PKD1L1: variants seen among roughly 807,000 people sequenced by gnomAD.
PKD1L1 encodes polycystin-1-like protein 1.
PKD1L1 carries 236 observed loss-of-function variants against 323.4 expected under a neutral mutation model. The ratio of observed to expected loss-of-function variants is 0.73; its 90% confidence interval spans 0.66 to 0.81. The LOEUF (loss-of-function observed/expected upper bound fraction) is 0.81. Ranked by LOEUF, PKD1L1 falls within the 40% of genes least tolerant of loss-of-function variation. The pLI, the probability that PKD1L1 is intolerant of heterozygous loss-of-function variation, is 0.00. For synonymous variants in PKD1L1, 1,344 were observed against 1,335.0 expected (o/e 1.01, Z -0.15); for missense variants, 3,320 against 3,508.0 (o/e 0.95, Z 1.35).
Position 47,813,102 on chromosome 7 carries a change from C to T in PKD1L1, c.7346+19G>A. 3 of 1,605,362 alleles carry T rather than the reference C, an allele frequency of 1.9e-6. No individual in the cohort carries two copies. The highest frequency in any genetic ancestry group is 2.6e-6 in the Non-Finnish European group (3 of 1,175,628). ...CGGTGGCAGGCAGGATGAGCCCCGG[C>T]CCTTCGAATCTCACTGACCTTGTTC... On this transcript the variant is annotated intron_variant, in intron 49 of 56. Transcript: ENST00000289672.
chr7:47,882,710 G>A (rs1000318780), intron 19 of PKD1L1, among the ~76,000 whole-genome samples: 1 of 152,120 alleles, frequency 6.6e-6, no homozygotes, highest in African/African-American at 2.4e-5. Flanking sequence ...AGGGCAGGAG[G>A]AGGAAAAATG....
At chr7:47,907,100 G>A (rs914501374) in intron 9 of PKD1L1, among the ~76,000 whole-genome samples, 6 of 152,234 alleles carry the variant, frequency 3.9e-5, no homozygotes, top group Admixed American at 2.0e-4. Flanking sequence ...ATGACCAACC[G>A]GCTAGTTAGG....
chr7:47,914,749 TC>T lies in PKD1L1; in HGVS notation c.1228+682del, dbSNP rs1019871242. 3.3e-5 allele frequency among the ~76,000 whole-genome samples: 5 copies of T among 151,180 alleles called. No homozygotes were observed. The East Asian group carries it at 5.9e-4, about 18-fold the overall frequency. On this transcript the variant is annotated intron_variant, in intron 8 of 56. Coordinates refer to ENST00000289672, the MANE Select transcript of PKD1L1 (RefSeq NM_138295.5). ...TCCCTCTCTTTCTCTCTCTCTTTTC[TC>T]CCCCCCAACATCCCCTCTCCCTCAT...
intron 34 of PKD1L1, 97 bp downstream of exon 34, chr7:47,842,865 C>T (rs1047259701): frequency 8.7e-7 from 1 of 1,155,362 alleles, no homozygotes; most frequent in Non-Finnish European, 1.2e-6. Flanking sequence ...GCTGCTGTGA[C>T]AGGTGACAGA....
chr7:47,795,319 A>T, intron 55 of PKD1L1: 2 of 455,410 alleles, frequency 4.4e-6, no homozygotes, highest in Non-Finnish European at 8.8e-6. Context: ...AAGTCTCACA[A>T]GATCTGATCA....
chr7:47,934,380 G>A (rs1787828059), intron 4 of PKD1L1, among the ~76,000 whole-genome samples: 1 of 152,166 alleles, frequency 6.6e-6, no homozygotes, highest in Non-Finnish European at 1.5e-5. Flanking sequence ...TTCACATGCT[G>A]TCCACTCTGT....
At chr7:47,864,562 T>G (rs1344956396) in intron 26 of PKD1L1, among the ~76,000 whole-genome samples, 1 of 151,006 alleles carries the variant, frequency 6.6e-6, no homozygotes, top group Non-Finnish European at 1.5e-5. Context: ...CTTCCTTCTT[T>G]TTCTTTTTCT....
At chr7:47,810,009 C>A (rs4724647) in intron 50 of PKD1L1, among the ~76,000 whole-genome samples, 1 of 152,086 alleles carries the variant, frequency 6.6e-6, no homozygotes, top group African/African-American at 2.4e-5. Flanking sequence ...GTAAAGTCTT[C>A]TAAAGCTCCC....
At chr7:47,845,923 G>A (rs967607681) in intron 32 of PKD1L1, among the ~76,000 whole-genome samples, 1 of 152,150 alleles carries the variant, frequency 6.6e-6, no homozygotes, top group Non-Finnish European at 1.5e-5. Context: ...AAAGTGCCTA[G>A]CAGAGAGTAG....
At chr7:47,925,987 G>A (rs1012889809) in intron 7 of PKD1L1, among the ~76,000 whole-genome samples, 2 of 152,198 alleles carry the variant, frequency 1.3e-5, no homozygotes, top group African/African-American at 2.4e-5. Context: ...CAGGCTGGGC[G>A]CAGTGGTTCA....
chr7:47,878,043 C>T (rs72601627), intron 21 of PKD1L1, among the ~76,000 whole-genome samples: 9,877 of 152,036 alleles, frequency 0.065, 399 homozygotes, highest in Non-Finnish European at 0.071. Flanking sequence ...TGCTAACAGA[C>T]CCATTACCCA....
At chr7:47,797,900 G>C (rs1455140879) in intron 54 of PKD1L1, among the ~76,000 whole-genome samples, 1 of 152,136 alleles carries the variant, frequency 6.6e-6, no homozygotes, top group Non-Finnish European at 1.5e-5. Flanking sequence ...TGTAGGATCT[G>C]TATGCTGAGA....
chr7:47,825,812 G>GTATTAAATCTCTGACTTTTGCTTGTA (rs1191308344), intron 45 of PKD1L1, among the ~76,000 whole-genome samples: 2 of 152,078 alleles, frequency 1.3e-5, no homozygotes, highest in African/African-American at 4.8e-5. Flanking sequence ...ATATGGTCTT[G>GTATTAAATCTCTGACTTTTGCTTGTA]TATTAAATCT....
At chr7:47,838,505 T>C (rs1411329148) in intron 36 of PKD1L1, among the ~76,000 whole-genome samples, 2 of 151,856 alleles carry the variant, frequency 1.3e-5, no homozygotes, top group East Asian at 3.9e-4. Context: ...CAAATGGTCA[T>C]GCACAGTGGG....
chr7:47,826,895 C>A (rs1785248555), intron 45 of PKD1L1, among the ~76,000 whole-genome samples: 1 of 152,250 alleles, frequency 6.6e-6, no homozygotes, highest in African/African-American at 2.4e-5. Context: ...AATAACCTGT[C>A]ACTGGGCTAA....
intron 53 of PKD1L1, among the ~76,000 whole-genome samples, chr7:47,801,252 T>C (rs1043980411): frequency 6.6e-6 from 1 of 152,162 alleles, no homozygotes; most frequent in Non-Finnish European, 1.5e-5. Context: ...AGCTCCCTCA[T>C]GATCTTTATG....
intron 13 of PKD1L1, 31 bp from the exon 14 acceptor site, chr7:47,898,225 A>G: frequency 1.3e-6 from 2 of 1,562,740 alleles, no homozygotes; most frequent in Non-Finnish European, 1.8e-6. Flanking sequence ...ATGTCTCATT[A>G]AAATGTCCAT....
chr7:47,872,447 G>A (rs548857846), intron 24 of PKD1L1, among the ~76,000 whole-genome samples: 1 of 152,260 alleles, frequency 6.6e-6, no homozygotes, highest in Non-Finnish European at 1.5e-5. Context: ...GAGACATTCA[G>A]ACTAATGGAA....
intron 56 of PKD1L1, among the ~76,000 whole-genome samples, chr7:47,786,192 C>T (rs1562929138): frequency 6.6e-6 from 1 of 152,180 alleles, no homozygotes; most frequent in South Asian, 2.1e-4. Flanking sequence ...ACAAAAACTT[C>T]TAGATTTGAG....
Sources: allele counts gnomAD v4.1 joint callset (sites outside exome capture counted in the v4.1 genomes callset), GRCh38; gene constraint gnomAD v4.1.1; transcripts MANE v1.5; gene names NCBI Gene and HGNC (gene_info 2026-07-23, HGNC 2026-07-21).